Variants in PKHD1L1 observed in about 807,000 individuals in gnomAD.
PKHD1L1 encodes the protein PKHD1 like 1.
A neutral mutation model predicts 462.9 loss-of-function variants in PKHD1L1; 434 were observed. The observed-to-expected ratio is 0.94, with a 90% confidence interval of 0.87 to 1.02. The LOEUF is 1.02. Among genes scored for constraint, PKHD1L1 ranks in the 50% least tolerant of loss-of-function variants. The pLI is 0.00. For synonymous variants in PKHD1L1, 1,781 were observed against 1,750.0 expected (o/e 1.02, Z -0.44); for missense variants, 5,202 against 5,096.1 (o/e 1.02, Z -0.63).
intron 5 of PKHD1L1, among the ~76,000 whole-genome samples, chr8:109,385,283 A>T (rs1812380328): frequency 6.7e-6 from 1 of 148,836 alleles, no homozygotes. Context: ...TCACCGATTG[A>T]CCCAAGCTGT....
rs768873076 is a variant in PKHD1L1, at chr8:109,419,118, C to A, written c.2382C>A (p.Asp794Glu). 3.7e-6 allele frequency: 6 copies of A among 1,613,078 alleles called. No individual in the cohort carries two copies. The South Asian group carries it at 6.6e-5, about 18-fold the overall frequency. ...YGNNWTYTCI[D>E]LLDLVRTKYT... ...TCAGCTGGACTTACACTTGCATAGA[C>A]CTTCTGGATCTCGTAAGAACGAAAT... Residue 794 changes from aspartate to glutamate, a missense_variant, in exon 22 of 78, where the codon GAC becomes GAA. Asp to Glu is a conservative substitution (Grantham distance 45). Transcript: ENST00000378402.
At chr8:109,370,767 T>A (rs2130335681) in intron 2 of PKHD1L1, among the ~76,000 whole-genome samples, 1 of 152,306 alleles carries the variant, frequency 6.6e-6, no homozygotes, top group African/African-American at 2.4e-5. Flanking sequence ...TGTTTGGTTT[T>A]TTGTCCTCGC....
chr8:109,399,891 T>C (rs1266644752), intron 12 of PKHD1L1, among the ~76,000 whole-genome samples, 185 bp from the exon 13 acceptor site: 1 of 152,162 alleles, frequency 6.6e-6, no homozygotes, highest in Non-Finnish European at 1.5e-5. Flanking sequence ...GAAGTAATAA[T>C]GAACAAATTA....
At chr8:109,502,912 C>T (rs1329750233) in intron 67 of PKHD1L1, among the ~76,000 whole-genome samples, 1 of 152,202 alleles carries the variant, frequency 6.6e-6, no homozygotes, top group East Asian at 1.9e-4. Context: ...TTCCATATCT[C>T]TTGTCAGTTA....
intron 71 of PKHD1L1, among the ~76,000 whole-genome samples, chr8:109,513,117 A>G (rs1485492519): frequency 6.6e-6 from 1 of 151,276 alleles, no homozygotes; most frequent in Non-Finnish European, 1.5e-5. Context: ...GGGGTTTTCT[A>G]GATATACAAT....
At chr8:109,402,400 A>T (rs1813316892) in intron 14 of PKHD1L1, among the ~76,000 whole-genome samples, 1 of 152,074 alleles carries the variant, frequency 6.6e-6, no homozygotes, top group African/African-American at 2.4e-5. Context: ...AGAATGCCTC[A>T]CTCCATGTCT....
At position 109,476,659 on chromosome 8, in the gene PKHD1L1, A is replaced by T; in HGVS notation, c.8909A>T (p.Tyr2970Phe). 1 of 1,593,410 alleles carries T rather than the reference A, an allele frequency of 6.3e-7. No homozygotes were observed. The highest frequency in any genetic ancestry group is 1.2e-5 in the South Asian group (1 of 86,952). The change falls in exon 52 of 78, where the codon TAT becomes TTT. Residue 2970 changes from tyrosine to phenylalanine, a missense_variant. Transcript: ENST00000378402. The stretch of plus-strand genomic sequence containing the variant: ...CTTGAAGCAAACACTAGTACTCTAT[A>T]TTACTTGGGTATGTGTCATTAGGCA... The part of the protein sequence containing the change: ...WHLEANTSTL[Y>F]YLVSGRNDLH...
chr8:109,428,695 C>T (rs923121316), intron 25 of PKHD1L1, among the ~76,000 whole-genome samples: 8 of 152,174 alleles, frequency 5.3e-5, no homozygotes, highest in Non-Finnish European at 1.2e-4. Flanking sequence ...GTCTCTTCTG[C>T]TTATTCATTG....
Position 109,429,425 on chromosome 8 carries a change from T to C in PKHD1L1, c.3086T>C (p.Leu1029Pro). ...GGTGGCTTATTCAGACAACATGTAC[T>C]TGGAGACCTACTTCGTACACCCAGT... ...KEGGLFRQHVLGDLLRTPSQQ... is the reference protein window; with the variant it reads ...KEGGLFRQHVPGDLLRTPSQQ... Residue 1029 changes from leucine (L) to proline (P), a missense_variant, in exon 26 of 78, where the codon CTT becomes CCT. Leu to Pro is a moderately conservative substitution (Grantham distance 98). Coordinates refer to ENST00000378402, the MANE Select transcript of PKHD1L1 (RefSeq NM_177531.6). 6.2e-7 allele frequency: 1 copy of C among 1,607,744 alleles called. No individual in the cohort carries two copies. Among genetic ancestry groups the C allele is most frequent in the East Asian group, 2.2e-5 (1 of 44,684 alleles).
rs935967128 is a variant in PKHD1L1 at position 109,445,454 on chromosome 8, C to T, written c.5585C>T (p.Thr1862Ile). 6.2e-7 allele frequency: 1 copy of T among 1,614,006 alleles called. No homozygotes were observed. The highest frequency in any genetic ancestry group is 1.7e-5 in the Admixed American group (1 of 60,014). The stretch of plus-strand genomic sequence containing the variant: ...AATGGCTTCTATCCAGGCAACACTA[C>T]AGTCACTATTGGGGATGAACCTTGT... ...TGNGFYPGNTTVTIGDEPCQI... is the reference protein window; with the variant it reads ...TGNGFYPGNTIVTIGDEPCQI... The change falls in exon 38 of 78, where the codon ACA becomes ATA. Residue 1862 changes from threonine (T) to isoleucine (I), a missense_variant. Around this residue, in one of 3 missense-constraint regions of PKHD1L1, gnomAD observed 4,497 missense variants for 4,336.8 expected, o/e 1.04. Transcript: ENST00000378402.
In PKHD1L1 at chr8:109,445,564, A is replaced by C. The variant is rs1339022143; in HGVS notation, c.5695A>C (p.Asn1899His). 1.9e-6 allele frequency: 3 copies of C among 1,612,050 alleles called. No individual in the cohort carries two copies. The highest frequency in any genetic ancestry group is 2.5e-6 in the Non-Finnish European group (3 of 1,178,856). Residue 1899 changes from asparagine to histidine, a missense_variant, in exon 38 of 78, where the codon AAT becomes CAT. Physicochemically the swap from Asn to His is moderately conservative, Grantham distance 68. This residue lies in a region of PKHD1L1 where 4,497 missense variants were observed against 4,336.8 expected (regional missense o/e 1.04). Coordinates refer to ENST00000378402, the MANE Select transcript of PKHD1L1 (RefSeq NM_177531.6). Reference sequence around the variant, plus strand: ...AATGGTCGATGTTAAAATCTTTGTTAATACAATTGCTTATCCACCTTTGCT... The same window carrying C: ...AATGGTCGATGTTAAAATCTTTGTTCATACAATTGCTTATCCACCTTTGCT... ...TGMVDVKIFV[N>H]TIAYPPLLFT...
At chr8:109,517,752 A>G (rs973404338) in intron 72 of PKHD1L1, among the ~76,000 whole-genome samples, 1 of 152,162 alleles carries the variant, frequency 6.6e-6, no homozygotes, top group African/African-American at 2.4e-5. Context: ...AAGAGTTGGC[A>G]TATAGCACTG....
chr8:109,481,221 TA>T (rs1256624959), intron 55 of PKHD1L1, among the ~76,000 whole-genome samples: 2 of 151,950 alleles, frequency 1.3e-5, no homozygotes, highest in African/African-American at 4.8e-5. Context: ...GTTCTGTCAG[TA>T]AGTAGATATT....
In PKHD1L1 at chr8:109,532,533, T is replaced by C. The variant is rs1821065229; in HGVS notation, c.*2443T>C. Among the ~76,000 whole-genome samples, 1 of 152,236 alleles carries C rather than the reference T, an allele frequency of 6.6e-6. No homozygotes were observed. Among genetic ancestry groups the C allele is most frequent in the Non-Finnish European group, 1.5e-5 (1 of 68,034 alleles). On this transcript the variant is annotated 3_prime_UTR_variant, in exon 78 of 78. Transcript: ENST00000378402. ...TTAAATTCTTAAAAATAATTTGTAT[T>C]GTAAGAAGTGGCTATCTAGCTCTTG...
chr8:109,516,565 A>G (rs1228638649), intron 72 of PKHD1L1, among the ~76,000 whole-genome samples: 1 of 152,094 alleles, frequency 6.6e-6, no homozygotes, highest in African/African-American at 2.4e-5. Flanking sequence ...TGGGGACACA[A>G]TTCAGTCCAT....
chr8:109,399,716 C>T (rs533875992), intron 12 of PKHD1L1, among the ~76,000 whole-genome samples: 17 of 152,142 alleles, frequency 1.1e-4, no homozygotes, highest in East Asian at 7.7e-4. Context: ...CTTGAAGTTT[C>T]GCAACATCAG....
Position 109,508,160 on chromosome 8 carries a change from T to C in PKHD1L1, c.11291T>C (p.Met3764Thr), listed in dbSNP as rs372345055. 1 of 1,613,082 alleles carries C rather than the reference T, an allele frequency of 6.2e-7. No individual in the cohort carries two copies. Among genetic ancestry groups the C allele is most frequent in the Non-Finnish European group, 8.5e-7 (1 of 1,179,260 alleles). ...PEWQSYQCFG[M>T]EYAMMVIESL... ...TGGCAGAGCTATCAGTGCTTTGGGA[T>C]GGAATATGCAATGATGGTTATTGAA... The change falls in exon 70 of 78, where the codon ATG (methionine) becomes ACG (threonine). Residue 3764 changes from methionine to threonine, a missense_variant. By Grantham distance (81) the Met-to-Thr change is moderately conservative. Transcript: ENST00000378402.
chr8:109,422,650 G>C (rs1454068712), intron 23 of PKHD1L1, among the ~76,000 whole-genome samples: 2 of 151,908 alleles, frequency 1.3e-5, no homozygotes, highest in Admixed American at 6.6e-5. Flanking sequence ...TCTTGGTTTT[G>C]GCTATTATGA....
At chr8:109,500,533 A>C (rs924521402) in intron 67 of PKHD1L1, among the ~76,000 whole-genome samples, 2 of 139,394 alleles carry the variant, frequency 1.4e-5, no homozygotes, top group African/African-American at 2.7e-5. Flanking sequence ...AAAAAAAAAA[A>C]AAAAAACCTA....
Sources: gnomAD v4.1 joint callset for allele counts (sites outside exome capture counted in the v4.1 genomes callset) on GRCh38, gnomAD v4.1.1 for gene constraint, gnomAD v4.1.1 regional missense constraint, MANE v1.5 for transcripts, NCBI Gene and HGNC (gene_info 2026-07-23, HGNC 2026-07-21) for gene names.